Variants in CACNA1C observed in about 807,000 individuals in gnomAD.
The protein encoded by CACNA1C is calcium voltage-gated channel subunit alpha1 C.
In CACNA1C, 30 loss-of-function variants were observed where a neutral mutation model predicts 229.0. The ratio of observed to expected loss-of-function variants is 0.13; its 90% CI spans 0.10 to 0.18. The LOEUF (loss-of-function observed/expected upper bound fraction) is 0.18. Ranked by LOEUF, CACNA1C falls within the 10% of genes least tolerant of loss-of-function variation. The probability of loss-of-function intolerance (pLI) is 1.00; values close to 1 mark genes in which losing one functional copy is unlikely to be tolerated. For missense variants in CACNA1C, 1,658 were observed against 2,845.0 expected (o/e 0.58, Z 9.49); for synonymous variants, 1,114 against 1,132.5 (o/e 0.98, Z 0.33).
intron 3 of CACNA1C, among the ~76,000 whole-genome samples, chr12:2,234,996 A>G (rs1322806510): frequency 1.3e-5 from 2 of 152,136 alleles, no homozygotes; most frequent in Non-Finnish European, 2.9e-5. Context: ...TCCGCCTGCT[A>G]TGAACACATA....
intron 3 of CACNA1C, among the ~76,000 whole-genome samples, chr12:2,168,422 C>T (rs1312066725): frequency 6.6e-6 from 1 of 152,226 alleles, no homozygotes; most frequent in African/African-American, 2.4e-5. Context: ...AATGACTTTA[C>T]TTGGTCCTAC....
intron 1 of CACNA1C, among the ~76,000 whole-genome samples, chr12:2,012,378 A>G (rs2044595429): frequency 6.6e-6 from 1 of 152,220 alleles, no homozygotes; most frequent in Non-Finnish European, 1.5e-5. Flanking sequence ...ATTTTGTTTG[A>G]ACACAGCCAT....
intron 9 of CACNA1C, among the ~76,000 whole-genome samples, chr12:2,532,356 C>T (rs879472375): frequency 1.7e-4 from 26 of 152,228 alleles, no homozygotes; most frequent in South Asian, 4.2e-4. Context: ...TCCCACCCCT[C>T]GACACAGTCC....
At chr12:2,371,260 A>G (rs1342596860) in intron 3 of CACNA1C, among the ~76,000 whole-genome samples, 2 of 152,202 alleles carry the variant, frequency 1.3e-5, no homozygotes, top group Non-Finnish European at 2.9e-5. Flanking sequence ...CAGGACACAA[A>G]GCATCCTTGA....
intron 3 of CACNA1C, among the ~76,000 whole-genome samples, chr12:2,339,654 G>A (rs187198932): frequency 6.6e-6 from 1 of 151,832 alleles, no homozygotes; most frequent in East Asian, 1.9e-4. Context: ...TAAATTTTTT[G>A]TTAAGAAGTA....
At chr12:2,321,218 G>A (rs1027682904) in intron 3 of CACNA1C, among the ~76,000 whole-genome samples, 2 of 151,828 alleles carry the variant, frequency 1.3e-5, no homozygotes, top group African/African-American at 2.4e-5. Context: ...CAAGGTGGTC[G>A]TTGGGGGGGT....
chr12:2,310,355 AT>A (rs1268257351), intron 3 of CACNA1C, among the ~76,000 whole-genome samples: 3 of 138,620 alleles, frequency 2.2e-5, no homozygotes, highest in African/African-American at 5.4e-5. Flanking sequence ...AAAAAAAAAT[AT>A]ATATATATAT....
At chr12:2,420,125 G>A (rs976150067) in intron 3 of CACNA1C, among the ~76,000 whole-genome samples, 2 of 150,606 alleles carry the variant, frequency 1.3e-5, no homozygotes, top group Non-Finnish European at 1.5e-5. Flanking sequence ...GTGTGTGTGT[G>A]TGTGTGTGTG....
intron 1 of CACNA1C, among the ~76,000 whole-genome samples, chr12:2,089,402 C>T (rs753000465): frequency 5.9e-5 from 9 of 152,186 alleles, no homozygotes; most frequent in Non-Finnish European, 1.2e-4. Flanking sequence ...ATGTGTAAAG[C>T]ACCATGCTGG....
intron 4 of CACNA1C, among the ~76,000 whole-genome samples, chr12:2,450,369 A>T (rs1010302755): frequency 2.0e-5 from 3 of 151,628 alleles, no homozygotes; most frequent in East Asian, 2.0e-4. Context: ...CCTGGCTAAC[A>T]CGGTGAAACC....
At chr12:2,042,217 A>T (rs1183200717) in intron 1 of CACNA1C, among the ~76,000 whole-genome samples, 2 of 152,078 alleles carry the variant, frequency 1.3e-5, no homozygotes, top group East Asian at 3.8e-4. Context: ...TTCCTTCTTA[A>T]AATTTTACCC....
At chr12:1,998,562 A>G (rs1222327226) in intron 1 of CACNA1C, among the ~76,000 whole-genome samples, 1 of 152,248 alleles carries the variant, frequency 6.6e-6, no homozygotes, top group African/African-American at 2.4e-5. Context: ...ACCCGAGATC[A>G]CTGAAGTAAA....
chr12:2,514,179 A>G (rs2154579847), intron 9 of CACNA1C, among the ~76,000 whole-genome samples: 1 of 152,308 alleles, frequency 6.6e-6, no homozygotes, highest in East Asian at 1.9e-4. Flanking sequence ...CTGAGCAGAG[A>G]GGATGATGAG....
intron 1 of CACNA1C, among the ~76,000 whole-genome samples, chr12:2,032,832 A>C (rs2048460546): frequency 6.6e-6 from 1 of 152,230 alleles, no homozygotes; most frequent in African/African-American, 2.4e-5. Flanking sequence ...CGGCTTTTCA[A>C]ATCAGAAATA....
chr12:2,151,536 A>G (rs1250814298), intron 3 of CACNA1C, among the ~76,000 whole-genome samples: 2 of 152,146 alleles, frequency 1.3e-5, no homozygotes, highest in East Asian at 1.9e-4. Context: ...CTCTGTCCCT[A>G]TCACATACAT....
At chr12:2,210,858 T>G (rs192059760) in intron 3 of CACNA1C, among the ~76,000 whole-genome samples, 1 of 151,712 alleles carries the variant, frequency 6.6e-6, no homozygotes, top group East Asian at 1.9e-4. Context: ...CAGTATCATC[T>G]CCTCTCTGGT....
chr12:2,685,169 A>G (rs1444468446), intron 43 of CACNA1C, among the ~76,000 whole-genome samples: 2 of 152,004 alleles, frequency 1.3e-5, no homozygotes, highest in African/African-American at 4.8e-5. Flanking sequence ...TCTACTTCTC[A>G]TCGAGTTTCC....
At chr12:2,596,107 T>C (rs140736092) in intron 20 of CACNA1C, 104 bp downstream of exon 20, 2 of 1,170,360 alleles carry the variant, frequency 1.7e-6, no homozygotes, top group African/African-American at 3.1e-5. Context: ...CAATTCTAGG[T>C]GTCATAATTA....
rs2073301275 is a variant in CACNA1C, at chr12:2,602,672, G to A, written c.2960+712G>A. On this transcript the variant is annotated intron_variant, in intron 22 of 46. Coordinates refer to ENST00000399655, the MANE Select transcript of CACNA1C (RefSeq NM_000719.7). This position sits in a 1 kb window ranked among gnomAD's most constrained non-coding sequence, Gnocchi z 4.4. ...TGTGTGTGTGTGTGTGTGTGTGTGA[G>A]TTTTTCATTTCACTGGTCTGGGGTA... Among the ~76,000 whole-genome samples, 1 of 140,284 alleles carries A rather than the reference G, an allele frequency of 7.1e-6. No homozygotes were observed. 92.0% of individuals were successfully genotyped at this position (140,284 alleles called of 152,430 possible). A position where few individuals can be genotyped will look rare whatever the true frequency, so the allele number is the denominator to read the frequency against.
Sources: gnomAD v4.1 joint callset for allele counts (sites outside exome capture counted in the v4.1 genomes callset) on GRCh38, gnomAD v4.1.1 for gene constraint, Gnocchi (gnomAD v3.1) non-coding constraint, MANE v1.5 for transcripts, NCBI Gene and HGNC (gene_info 2026-07-23, HGNC 2026-07-21) for gene names.